The following LYPD6B variants were observed in gnomAD, a reference collection of about 807,000 sequenced individuals.
LYPD6B encodes the protein ly6/PLAUR domain-containing protein 6B.
A neutral mutation model predicts 22.8 loss-of-function variants in LYPD6B; 17 were observed. The ratio of observed to expected loss-of-function variants is 0.75; its 90% confidence interval spans 0.51 to 1.12. The LOEUF is 1.12. LYPD6B is among the 50% of genes most tolerant of loss of function. LYPD6B has a pLI of 0.00. For synonymous variants in LYPD6B, 106 were observed against 91.6 expected (o/e 1.16, Z -0.90); for missense variants, 221 against 258.3 (o/e 0.86, Z 0.99).
chr2:149,132,470 A>G (rs781576417), intron 2 of LYPD6B, among the ~76,000 whole-genome samples: 2 of 152,120 alleles, frequency 1.3e-5, no homozygotes, highest in South Asian at 4.2e-4. Flanking sequence ...CGATTTCTCA[A>G]TCTCTGGCAG....
intron 1 of LYPD6B, among the ~76,000 whole-genome samples, chr2:149,057,371 A>G (rs535981978): frequency 2.7e-4 from 41 of 149,912 alleles, no homozygotes; most frequent in African/African-American, 9.7e-4. Context: ...CTAGTCTCCC[A>G]CCCTGACCCT....
At chr2:149,120,387 T>G (rs374181622) in intron 1 of LYPD6B, among the ~76,000 whole-genome samples, 3 of 63,212 alleles carry the variant, frequency 4.7e-5, no homozygotes, top group Non-Finnish European at 8.1e-5. Context: ...ATATATATTT[T>G]TTTTTTTTTT....
intron 2 of LYPD6B, among the ~76,000 whole-genome samples, chr2:149,139,151 G>A (rs1185844688): frequency 6.6e-6 from 1 of 152,202 alleles, no homozygotes; most frequent in East Asian, 1.9e-4. Flanking sequence ...GGTGGTTCGA[G>A]TTCCAACTCG....
At chr2:149,189,390 A>G (rs1438217213) in intron 3 of LYPD6B, among the ~76,000 whole-genome samples, 1 of 145,972 alleles carries the variant, frequency 6.9e-6, no homozygotes, top group Non-Finnish European at 1.5e-5. Context: ...GTATATATGT[A>G]TATATCATGT....
chr2:149,139,342 G>C (rs1018573989), intron 2 of LYPD6B, among the ~76,000 whole-genome samples: 1 of 152,274 alleles, frequency 6.6e-6, no homozygotes, highest in Non-Finnish European at 1.5e-5. Flanking sequence ...AAGGGTGAAG[G>C]CCCCTTGGTA....
At chr2:149,211,518 T>C (rs1259027682) in intron 5 of LYPD6B, among the ~76,000 whole-genome samples, 2 of 152,118 alleles carry the variant, frequency 1.3e-5, no homozygotes, top group Admixed American at 6.5e-5. Context: ...ACACAAGTTA[T>C]AGGAGTACCT....
chr2:149,115,729 G>A (rs374740978), intron 1 of LYPD6B, among the ~76,000 whole-genome samples: 34 of 152,312 alleles, frequency 2.2e-4, no homozygotes, highest in African/African-American at 8.2e-4. Context: ...CGTAGGCTTT[G>A]AGGAAGCAAG....
At chr2:149,043,963 C>G (rs902791189) in intron 1 of LYPD6B, among the ~76,000 whole-genome samples, 1 of 152,092 alleles carries the variant, frequency 6.6e-6, no homozygotes, top group African/African-American at 2.4e-5. Context: ...TATTACTAGA[C>G]TCTCAATTCA....
Position 149,210,013 on chromosome 2 carries a change from G to T in LYPD6B, c.328+1601G>T, listed in dbSNP as rs1229884355. Among the ~76,000 whole-genome samples, 3 of 152,254 alleles carry T rather than the reference G, an allele frequency of 2.0e-5. 1 individual carries two copies. On this transcript the variant is annotated intron_variant, in intron 5 of 6. Transcript: ENST00000409642. ...AGAGAGTATCATCCTTTAACAATTT[G>T]CTTTAAGTTGCCTTGAAAGCTGGGC...
chr2:149,190,259 TGTG>T (rs971976057), intron 3 of LYPD6B, among the ~76,000 whole-genome samples: 3 of 151,884 alleles, frequency 2.0e-5, no homozygotes, highest in Non-Finnish European at 2.9e-5. Flanking sequence ...CAATAGGTAA[TGTG>T]TGTGTGTGTG....
intron 3 of LYPD6B, among the ~76,000 whole-genome samples, chr2:149,190,713 A>T (rs1215536743): frequency 6.6e-6 from 1 of 152,172 alleles, no homozygotes; most frequent in African/African-American, 2.4e-5. Flanking sequence ...TGAAATGTGT[A>T]TTAATTTTCT....
intron 3 of LYPD6B, among the ~76,000 whole-genome samples, chr2:149,186,318 A>G (rs1229052160): frequency 6.6e-6 from 1 of 152,244 alleles, no homozygotes; most frequent in Non-Finnish European, 1.5e-5. Context: ...AGTGGTCTGG[A>G]TAGAAGACCA....
At chr2:149,136,314 C>G (rs1430907861) in intron 2 of LYPD6B, among the ~76,000 whole-genome samples, 2 of 152,126 alleles carry the variant, frequency 1.3e-5, no homozygotes, top group Non-Finnish European at 2.9e-5. Context: ...TCATAAGAAG[C>G]ATTATTTTCA....
intron 1 of LYPD6B, among the ~76,000 whole-genome samples, chr2:149,068,394 G>A (rs554653785): frequency 7.9e-5 from 12 of 152,250 alleles, no homozygotes; most frequent in African/African-American, 2.9e-4. Context: ...AACTAAAGTA[G>A]CAAACAAGTA....
chr2:149,125,203 G>A (rs12621827), intron 1 of LYPD6B, among the ~76,000 whole-genome samples: 33,266 of 152,000 alleles, frequency 0.22, 4,452 homozygotes, highest in East Asian at 0.53. Context: ...GTGCTGTAAC[G>A]TCACAAATCA....
intron 1 of LYPD6B, among the ~76,000 whole-genome samples, chr2:149,116,040 T>G (rs1686990057): frequency 6.6e-6 from 1 of 152,230 alleles, no homozygotes; most frequent in African/African-American, 2.4e-5. Flanking sequence ...CCTAACATTA[T>G]GTCACAAAGC....
At chr2:149,085,666 A>T (rs2105416332) in intron 1 of LYPD6B, among the ~76,000 whole-genome samples, 1 of 152,354 alleles carries the variant, frequency 6.6e-6, no homozygotes, top group African/African-American at 2.4e-5. Flanking sequence ...CTCTTTAAGA[A>T]TCAACATTCT....
intron 2 of LYPD6B, among the ~76,000 whole-genome samples, chr2:149,147,355 T>A (rs904129579): frequency 5.9e-5 from 9 of 152,220 alleles, no homozygotes; most frequent in African/African-American, 2.2e-4. Context: ...GGAGGGTATC[T>A]CTGAAGGACA....
chr2:149,065,148 G>A (rs1211210960), intron 1 of LYPD6B, among the ~76,000 whole-genome samples: 6 of 152,180 alleles, frequency 3.9e-5, no homozygotes, highest in Admixed American at 1.3e-4. Flanking sequence ...GCCTTCTTTT[G>A]TCTCCTTACG....
Sources: allele counts gnomAD v4.1 joint callset (sites outside exome capture counted in the v4.1 genomes callset), GRCh38; gene constraint gnomAD v4.1.1; transcripts MANE v1.5; gene names NCBI Gene and HGNC (gene_info 2026-07-23, HGNC 2026-07-21).